GSE1: variants seen among roughly 807,000 people sequenced by gnomAD.
The protein encoded by GSE1 is genetic suppressor element 1.
Under a neutral mutation model 112.6 loss-of-function variants are expected in GSE1, and 32 were observed. That is an observed-to-expected ratio of 0.28 (90% CI 0.21 to 0.38). The LOEUF (loss-of-function observed/expected upper bound fraction) is 0.38. Ranked by LOEUF, GSE1 falls within the 10% of genes least tolerant of loss-of-function variation. The pLI is 1.00. For synonymous variants in GSE1, 1,115 were observed against 735.6 expected, an observed-to-expected ratio of 1.52 and a Z score of -8.35; for missense variants, 2,348 against 1,699.2, an observed-to-expected ratio of 1.38 and a Z score of -6.71.
intron 1 of GSE1, among the ~76,000 whole-genome samples, chr16:85,338,421 G>C (rs1389741024): frequency 6.6e-6 from 1 of 152,178 alleles, no homozygotes; most frequent in African/African-American, 2.4e-5. Context: ...AGCTGGCTCT[G>C]TGTGACGTGA....
At chr16:85,397,899 G>T (rs763132912) in intron 2 of GSE1, among the ~76,000 whole-genome samples, 1 of 149,902 alleles carries the variant, frequency 6.7e-6, no homozygotes, top group Non-Finnish European at 1.5e-5. Context: ...AATGAGCCCC[G>T]CAGACCAGGG....
In GSE1 at chr16:85,671,111, G is replaced by T; in HGVS notation, c.3519+13G>T. 2 of 1,504,906 alleles carry T rather than the reference G, an allele frequency of 1.3e-6. No homozygotes were observed. Among genetic ancestry groups the T allele is most frequent in the South Asian group, 1.1e-5 (1 of 88,744 alleles). The allele number at this position is 1,504,906 out of a possible 1,614,324, so 93.2% of individuals were successfully genotyped here. On this transcript the variant is annotated intron_variant, in intron 15 of 15. Transcript: ENST00000253458. Reference sequence around the variant, plus strand: ...CCACAGCGTGGCGGTGAGTTGGGAAGGGATGGAAACCTTCAAACACGCAAC... The same window carrying T: ...CCACAGCGTGGCGGTGAGTTGGGAATGGATGGAAACCTTCAAACACGCAAC...
chr16:85,378,297 G>A (rs1597535360), intron 2 of GSE1, among the ~76,000 whole-genome samples: 1 of 152,186 alleles, frequency 6.6e-6, no homozygotes, highest in South Asian at 2.1e-4. Context: ...TGTCCTCCAT[G>A]CTGCTGCCTG....
At chr16:85,494,896 C>G (rs1401780556) in intron 2 of GSE1, among the ~76,000 whole-genome samples, 1 of 152,202 alleles carries the variant, frequency 6.6e-6, no homozygotes, top group Non-Finnish European at 1.5e-5. Flanking sequence ...AAGGAGGTGC[C>G]GGGCCCTGTC....
intron 1 of GSE1, among the ~76,000 whole-genome samples, chr16:85,202,055 G>A (rs1423392327): frequency 6.6e-6 from 1 of 152,170 alleles, no homozygotes; most frequent in African/African-American, 2.4e-5. Context: ...AGTCCTGGTG[G>A]GTGGTGGCGG....
At chr16:85,662,952 C>G in intron 9 of GSE1, 29 bp from the exon 10 acceptor site, 1 of 1,436,852 alleles carries the variant, frequency 7.0e-7, no homozygotes, top group East Asian at 2.3e-5. Context: ...GGCTCTTTGT[C>G]TGGCTGAATA....
chr16:85,655,732 C>T lies in GSE1; in HGVS notation c.804C>T (p.Asp268=), dbSNP rs777956991. 54 of 1,599,666 alleles carry T rather than the reference C, an allele frequency of 3.4e-5. No homozygotes were observed. The highest frequency in any genetic ancestry group is 1.1e-4 in the East Asian group (5 of 44,806). Residue 268 remains aspartate, a synonymous_variant, in exon 6 of 16, where the codon GAC becomes GAT. Transcript: ENST00000253458. ...HPFPHPAFRM[D]DSYCLSALRS... ...CCCCGTCTTCTCTGCACAGGATGGA[C>T]GACTCCTACTGCCTGTCTGCCCTGA...
chr16:85,377,155 C>G (rs943842332), intron 2 of GSE1, among the ~76,000 whole-genome samples: 13 of 152,204 alleles, frequency 8.5e-5, no homozygotes, highest in Admixed American at 7.2e-4. Context: ...GTAGGCCGCA[C>G]GTGGTCTGAG....
chr16:85,484,928 G>A (rs2050786089), intron 2 of GSE1, among the ~76,000 whole-genome samples: 1 of 152,168 alleles, frequency 6.6e-6, no homozygotes, highest in Non-Finnish European at 1.5e-5. Context: ...CTGGGCATGG[G>A]CTGCACCCCG....
In GSE1 at chr16:85,369,214, C is replaced by T. The variant is rs973489544; in HGVS notation, c.2464+11571C>T. ...TTCATCTCCTACATCATTCTGACCT[C>T]TTGCTGCTGCCTTTTTTTTGAGACA... On this transcript the variant is annotated intron_variant, in intron 2 of 2. Coordinates refer to the GSE1 transcript ENST00000637419. Among the ~76,000 whole-genome samples the T allele has an allele frequency of 1.5e-4, 17 of 110,462 alleles. No individual in the cohort carries two copies. In the Admixed American group the frequency reaches 1.7e-3, roughly 11 times the overall value. 72.5% of individuals were successfully genotyped at this position (110,462 alleles called of 152,430 possible). A position where few individuals can be genotyped will look rare whatever the true frequency, so the allele number is the denominator to read the frequency against.
At chr16:85,197,753 C>G (rs1159036638) in intron 1 of GSE1, among the ~76,000 whole-genome samples, 1 of 152,186 alleles carries the variant, frequency 6.6e-6, no homozygotes, top group Non-Finnish European at 1.5e-5. Flanking sequence ...GCCCCATCTC[C>G]TCGTTGGCCA....
chr16:85,425,473 G>A (rs1345022018), intron 2 of GSE1, among the ~76,000 whole-genome samples: 4 of 152,214 alleles, frequency 2.6e-5, no homozygotes, highest in African/African-American at 9.7e-5. Flanking sequence ...AGTCGCCCGT[G>A]ATGCTCATGA....
intron 2 of GSE1, among the ~76,000 whole-genome samples, chr16:85,482,459 C>T (rs544333525): frequency 6.6e-5 from 10 of 152,180 alleles, no homozygotes; most frequent in South Asian, 2.1e-4. Flanking sequence ...TCGAGCGACC[C>T]GCGACCTGCA....
chr16:85,667,108 C>G (rs542964519), intron 13 of GSE1, among the ~76,000 whole-genome samples: 1 of 152,374 alleles, frequency 6.6e-6, no homozygotes, highest in Admixed American at 6.5e-5. Flanking sequence ...TTCTCCATGA[C>G]AGATACCAAG....
intron 2 of GSE1, among the ~76,000 whole-genome samples, chr16:85,526,728 C>G (rs995091008): frequency 3.9e-5 from 6 of 152,162 alleles, no homozygotes; most frequent in Non-Finnish European, 5.9e-5. Flanking sequence ...TTCAAACCAG[C>G]CACCTCTCCC....
At chr16:85,301,470 C>A (rs916231446) in intron 1 of GSE1, among the ~76,000 whole-genome samples, 1 of 152,176 alleles carries the variant, frequency 6.6e-6, no homozygotes, top group Non-Finnish European at 1.5e-5. Flanking sequence ...CTCACCTGTG[C>A]AAGCCACACT....
chr16:85,296,489 C>T (rs1385594098), intron 1 of GSE1, among the ~76,000 whole-genome samples: 1 of 152,122 alleles, frequency 6.6e-6, no homozygotes, highest in Non-Finnish European at 1.5e-5. Flanking sequence ...CACCTGTAAT[C>T]CCAGCTACTC....
chr16:85,191,969 A>G (rs1454793292), intron 1 of GSE1, among the ~76,000 whole-genome samples: 1 of 152,194 alleles, frequency 6.6e-6, no homozygotes, highest in African/African-American at 2.4e-5. Flanking sequence ...CAAGGAGGAC[A>G]AGGGCAGCAG....
intron 1 of GSE1, among the ~76,000 whole-genome samples, chr16:85,319,080 G>A (rs1330306828): frequency 6.6e-6 from 1 of 152,114 alleles, no homozygotes; most frequent in Non-Finnish European, 1.5e-5. Flanking sequence ...ATGTGAACTT[G>A]TGGGGCCCAG....
Sources: allele counts gnomAD v4.1 joint callset (sites outside exome capture counted in the v4.1 genomes callset), GRCh38; gene constraint gnomAD v4.1.1; transcripts MANE v1.5; gene names NCBI Gene and HGNC (gene_info 2026-07-23, HGNC 2026-07-21).